Variants in GREM2 observed in about 807,000 individuals in gnomAD.
GREM2 encodes gremlin-2.
GREM2 carries 11 observed loss-of-function variants against 14.2 expected under a neutral mutation model. That is an observed-to-expected ratio of 0.78 (90% CI 0.49 to 1.28). GREM2 has a LOEUF of 1.28. GREM2 is among the 50% of genes most tolerant of loss of function. The pLI is 0.00. For missense variants in GREM2, 210 were observed against 218.5 expected, an observed-to-expected ratio of 0.96 and a Z score of 0.24; for synonymous variants, 98 against 97.6, an observed-to-expected ratio of 1.00 and a Z score of -0.02.
chr1:240,575,023 G>T (rs955005674), intron 1 of GREM2, among the ~76,000 whole-genome samples: 7 of 151,998 alleles, frequency 4.6e-5, no homozygotes, highest in African/African-American at 1.7e-4. Context: ...AGGAGAATTG[G>T]TTGAACGTGG....
intron 1 of GREM2, among the ~76,000 whole-genome samples, chr1:240,584,432 T>A (rs867576045): frequency 1.4e-5 from 2 of 146,676 alleles, no homozygotes; most frequent in Middle Eastern, 7.2e-3. Flanking sequence ...GAGGTGGAGG[T>A]TGCAGTGAGC....
intron 1 of GREM2, chr1:240,550,179 T>C (rs1678817836): frequency 1.3e-5 from 2 of 152,112 alleles, no homozygotes; most frequent in Non-Finnish European, 2.9e-5. Context: ...TGGGCCACCA[T>C]GCCCGGCCAA....
intron 1 of GREM2, among the ~76,000 whole-genome samples, chr1:240,502,915 G>A (rs1394910192): frequency 6.6e-6 from 1 of 152,168 alleles, no homozygotes; most frequent in African/African-American, 2.4e-5. Context: ...ATTTAAGCAT[G>A]GGCAATAAGG....
chr1:240,596,250 T>C (rs1242011900), intron 1 of GREM2, among the ~76,000 whole-genome samples: 5 of 152,192 alleles, frequency 3.3e-5, no homozygotes, highest in African/African-American at 1.2e-4. Flanking sequence ...ATAATAAGTG[T>C]TATGTAGGTC....
At chr1:240,511,448 C>A (rs755755372) in intron 1 of GREM2, among the ~76,000 whole-genome samples, 6 of 152,138 alleles carry the variant, frequency 3.9e-5, no homozygotes, top group Non-Finnish European at 7.3e-5. Flanking sequence ...TATCCATAGG[C>A]CTTTTATAAA....
intron 1 of GREM2, among the ~76,000 whole-genome samples, chr1:240,513,575 C>CAAAAAAA (rs5782148): frequency 1.8e-5 from 2 of 110,942 alleles, no homozygotes; most frequent in Non-Finnish European, 3.7e-5. Context: ...ACTCCATCTA[C>CAAAAAAA]AAAAAAAAAA....
intron 1 of GREM2, among the ~76,000 whole-genome samples, chr1:240,498,695 C>T (rs1256999375): frequency 2.0e-5 from 3 of 152,236 alleles, no homozygotes; most frequent in African/African-American, 7.2e-5. Flanking sequence ...TCCTGAACCA[C>T]TTTGCTAATC....
At chr1:240,495,926 G>GC in intron 1 of GREM2, among the ~76,000 whole-genome samples, 1 of 125,114 alleles carries the variant, frequency 8.0e-6, no homozygotes, top group South Asian at 2.5e-4. Flanking sequence ...TAAGGCAAAG[G>GC]TTTTTTTTGT....
chr1:240,595,311 A>G (rs543475424), intron 1 of GREM2, among the ~76,000 whole-genome samples: 151 of 152,288 alleles, frequency 9.9e-4, no homozygotes, highest in African/African-American at 3.5e-3. Flanking sequence ...CAGCCTGGCC[A>G]CAGAGTGAGA....
At position 240,493,218 on chromosome 1, in the gene GREM2, G is replaced by A; in HGVS notation, c.258C>T (p.Gly86=). The stretch of plus-strand genomic sequence containing the variant: ...GGTTGAGGATGGTGCGGCTCCGGCA[G>A]CCCTCCTCGCTCACCGTCTGCCGCA... ...QPLRQTVSEE[G]CRSRTILNRF... Residue 86 remains glycine (G), a synonymous_variant, in exon 2 of 2, where the codon GGC becomes GGT. Transcript: ENST00000318160. 2 of 1,614,064 alleles carry A rather than the reference G, an allele frequency of 1.2e-6. No individual in the cohort carries two copies. Among genetic ancestry groups the A allele is most frequent in the Non-Finnish European group, 1.7e-6 (2 of 1,180,042 alleles).
intron 1 of GREM2, among the ~76,000 whole-genome samples, chr1:240,584,312 T>C (rs1206806904): frequency 6.6e-6 from 1 of 151,538 alleles, no homozygotes; most frequent in African/African-American, 2.4e-5. Context: ...CTGACCAACA[T>C]GATAAAACCC....
chr1:240,500,934 C>A (rs953994663), intron 1 of GREM2, among the ~76,000 whole-genome samples: 2 of 152,124 alleles, frequency 1.3e-5, no homozygotes, highest in Admixed American at 6.5e-5. Context: ...TGCCGAGTTG[C>A]TTTCCAAATG....
At chr1:240,558,172 G>A (rs986938830) in intron 1 of GREM2, among the ~76,000 whole-genome samples, 1 of 152,038 alleles carries the variant, frequency 6.6e-6, no homozygotes, top group East Asian at 1.9e-4. Context: ...CGTGGGGAGT[G>A]AGTAGATAGC....
At chr1:240,535,798 C>CAAAAAAAAAAAAAA (rs71170755) in intron 1 of GREM2, among the ~76,000 whole-genome samples, 1 of 130,118 alleles carries the variant, frequency 7.7e-6, no homozygotes, top group African/African-American at 2.9e-5. Context: ...GACTCCATCG[C>CAAAAAAAAAAAAAA]AAAAAAAAAA....
intron 1 of GREM2, among the ~76,000 whole-genome samples, chr1:240,561,693 TAC>T (rs541661990): frequency 0.014 from 2,011 of 145,374 alleles, 30 homozygotes; most frequent in African/African-American, 0.031. Context: ...TAATCCTGCA[TAC>T]ACACACACAC....
chr1:240,578,983 A>T (rs7511975), intron 1 of GREM2, among the ~76,000 whole-genome samples: 59,435 of 151,902 alleles, frequency 0.39, 16,182 homozygotes, highest in African/African-American at 0.77. Context: ...AAACACCTTC[A>T]CATTCAGGTA....
intron 1 of GREM2, among the ~76,000 whole-genome samples, chr1:240,576,218 A>C (rs1679370783): frequency 6.6e-6 from 1 of 152,208 alleles, no homozygotes; most frequent in African/African-American, 2.4e-5. Context: ...AGGAATTTAA[A>C]TTCATAGATA....
At chr1:240,597,005 A>G (rs1326549299) in intron 1 of GREM2, among the ~76,000 whole-genome samples, 1 of 152,162 alleles carries the variant, frequency 6.6e-6, no homozygotes, top group Non-Finnish European at 1.5e-5. Flanking sequence ...CTTCTTTCTC[A>G]TGAACTGAAA....
chr1:240,500,677 T>G (rs1326765227), intron 1 of GREM2, among the ~76,000 whole-genome samples: 1 of 152,220 alleles, frequency 6.6e-6, no homozygotes, highest in Non-Finnish European at 1.5e-5. Context: ...TGGGATTTTA[T>G]GCACATGGAT....
Sources: allele counts gnomAD v4.1 joint callset (sites outside exome capture counted in the v4.1 genomes callset), GRCh38; gene constraint gnomAD v4.1.1; transcripts MANE v1.5; gene names NCBI Gene and HGNC (gene_info 2026-07-23, HGNC 2026-07-21).